Variants in PKP2 observed in about 807,000 individuals in gnomAD.
PKP2 encodes plakophilin-2.
PKP2 carries 73 observed loss-of-function variants against 83.4 expected under a neutral mutation model. The ratio of observed to expected loss-of-function variants is 0.88; its 90% confidence interval spans 0.72 to 1.06. The LOEUF is 1.06. Among genes scored for constraint, PKP2 ranks in the 50% least tolerant of loss-of-function variants. The pLI is 0.00. For missense variants in PKP2, 966 were observed against 1,065.4 expected (o/e 0.91, Z 1.30); for synonymous variants, 409 against 430.4 (o/e 0.95, Z 0.62).
At chr12:32,878,770 G>A in intron 2 of PKP2, 150 bp downstream of exon 2, 1 of 674,526 alleles carries the variant, frequency 1.5e-6, no homozygotes, top group Non-Finnish European at 2.6e-6. Context: ...AGTTTTCCAT[G>A]GTATCCTCAT....
At chr12:32,797,267 C>A (rs1956134476) in intron 10 of PKP2, among the ~76,000 whole-genome samples, 1 of 151,596 alleles carries the variant, frequency 6.6e-6, no homozygotes, top group Admixed American at 6.6e-5. Flanking sequence ...TGGTGAAACC[C>A]TGTCTCTATT....
chr12:32,816,557 A>C (rs1420082059), intron 9 of PKP2, among the ~76,000 whole-genome samples: 3 of 152,174 alleles, frequency 2.0e-5, no homozygotes, highest in Non-Finnish European at 4.4e-5. Flanking sequence ...ATATGAGTGC[A>C]CGTGTCTTCT....
chr12:32,869,688 T>C (rs553160177), intron 3 of PKP2, among the ~76,000 whole-genome samples: 1 of 152,310 alleles, frequency 6.6e-6, no homozygotes, highest in East Asian at 1.9e-4. Flanking sequence ...AATAAGACTT[T>C]TAAAAGAATC....
intron 5 of PKP2, among the ~76,000 whole-genome samples, chr12:32,841,550 G>A (rs1956592888): frequency 6.6e-6 from 1 of 152,114 alleles, no homozygotes; most frequent in Non-Finnish European, 1.5e-5. Flanking sequence ...ATAAAGTCTG[G>A]GCTCACCAAT....
chr12:32,868,570 T>C (rs1956869156), intron 4 of PKP2, among the ~76,000 whole-genome samples: 1 of 152,076 alleles, frequency 6.6e-6, no homozygotes, highest in Non-Finnish European at 1.5e-5. Context: ...TCACCCAGGC[T>C]GGAGTGCAGT....
rs572361225 is a variant in PKP2, at chr12:32,791,584, C to T, written c.*840G>A. On this transcript the variant is annotated 3_prime_UTR_variant, in exon 13 of 13. Transcript: ENST00000340811. ...GGAAAGGCATTACATAGAATGCCAT[C>T]GTTTAGAAGAGATTTGGATTTAACG... 2 of 152,210 alleles carry T rather than the reference C, an allele frequency of 1.3e-5. No individual in the cohort carries two copies. Among genetic ancestry groups the T allele is most frequent in the South Asian group, 2.1e-4 (1 of 4,818 alleles). The allele number at this position is 152,210 out of a possible 1,614,324, so 9.4% of individuals were successfully genotyped here. A position where few individuals can be genotyped will look rare whatever the true frequency, so the allele number is the denominator to read the frequency against.
At chr12:32,896,423 C>T in intron 1 of PKP2, 86 bp downstream of exon 1, 1 of 1,071,140 alleles carries the variant, frequency 9.3e-7, no homozygotes, top group Non-Finnish European at 1.3e-6. Context: ...TCCCGCACTC[C>T]CAGCACGCGG....
At chr12:32,794,517 G>A (rs987918046) in intron 11 of PKP2, among the ~76,000 whole-genome samples, 15 of 152,118 alleles carry the variant, frequency 9.9e-5, no homozygotes, top group Non-Finnish European at 8.8e-5. Flanking sequence ...GTGGACACTC[G>A]GAAATAAACA....
intron 6 of PKP2, among the ~76,000 whole-genome samples, chr12:32,835,117 G>A (rs183859993): frequency 3.3e-5 from 5 of 150,850 alleles, no homozygotes; most frequent in Admixed American, 2.7e-4. Flanking sequence ...GCAGTGGCGC[G>A]ACTTCGGCTC....
chr12:32,887,949 G>A (rs1957044441), intron 1 of PKP2, among the ~76,000 whole-genome samples: 1 of 152,130 alleles, frequency 6.6e-6, no homozygotes, highest in African/African-American at 2.4e-5. Context: ...GGAGGTCAAG[G>A]TGGGCAGATC....
chr12:32,884,382 A>G (rs939488433), intron 1 of PKP2, among the ~76,000 whole-genome samples: 1 of 152,178 alleles, frequency 6.6e-6, no homozygotes, highest in Non-Finnish European at 1.5e-5. Flanking sequence ...TGAACCCAGG[A>G]GGCAGAAGTT....
At chr12:32,876,356 G>A (rs1323520940) in intron 3 of PKP2, among the ~76,000 whole-genome samples, 1 of 152,126 alleles carries the variant, frequency 6.6e-6, no homozygotes, top group Non-Finnish European at 1.5e-5. Context: ...GATGGAGGGA[G>A]AGAATGCCAG....
At chr12:32,833,368 GT>G (rs1218652091) in intron 6 of PKP2, among the ~76,000 whole-genome samples, 2 of 152,116 alleles carry the variant, frequency 1.3e-5, no homozygotes, top group African/African-American at 4.8e-5. Flanking sequence ...TTGGTATGTG[GT>G]TTTTTTGGTG....
At chr12:32,810,037 T>C (rs1950670731) in intron 9 of PKP2, among the ~76,000 whole-genome samples, 1 of 152,188 alleles carries the variant, frequency 6.6e-6, no homozygotes, top group African/African-American at 2.4e-5. Flanking sequence ...CAACAATAGC[T>C]CTTATTTTAG....
At chr12:32,823,475 A>AAAAAAG (rs1394152404) in intron 7 of PKP2, among the ~76,000 whole-genome samples, 1 of 151,988 alleles carries the variant, frequency 6.6e-6, no homozygotes. Flanking sequence ...TTTGGGAATG[A>AAAAAAG]AAAAAGAGAT....
chr12:32,840,563 T>C (rs940375643), intron 6 of PKP2, among the ~76,000 whole-genome samples: 5 of 152,176 alleles, frequency 3.3e-5, no homozygotes, highest in Admixed American at 6.5e-5. Context: ...CCTCCCAAAG[T>C]GCTGGTATTA....
chr12:32,880,461 A>G (rs1388701616), intron 1 of PKP2, among the ~76,000 whole-genome samples: 1 of 152,184 alleles, frequency 6.6e-6, no homozygotes, highest in African/African-American at 2.4e-5. Flanking sequence ...CAAGGGAAAC[A>G]TGGATCAACT....
intron 10 of PKP2, among the ~76,000 whole-genome samples, chr12:32,797,510 ATGTTAATAGGAG>A: frequency 6.7e-6 from 1 of 150,074 alleles, no homozygotes. Context: ...CTGAGGAAAA[ATGTTAATAGGAG>A]CTGTTTTTCT....
intron 3 of PKP2, among the ~76,000 whole-genome samples, chr12:32,874,886 G>A (rs1335723628): frequency 6.6e-6 from 1 of 151,964 alleles, no homozygotes; most frequent in East Asian, 1.9e-4. Flanking sequence ...GACCACAGGT[G>A]GGCACTATCA....
Sources: gnomAD v4.1 joint callset for allele counts (sites outside exome capture counted in the v4.1 genomes callset) on GRCh38, gnomAD v4.1.1 for gene constraint, MANE v1.5 for transcripts, NCBI Gene and HGNC (gene_info 2026-07-23, HGNC 2026-07-21) for gene names.